Variants in NECTIN1 observed in about 807,000 individuals in gnomAD.
NECTIN1 encodes the protein nectin-1.
NECTIN1 carries 23 observed loss-of-function variants against 48.0 expected under a neutral mutation model. The ratio of observed to expected loss-of-function variants is 0.48; its 90% confidence interval spans 0.34 to 0.68. The LOEUF is 0.68. Among genes scored for constraint, NECTIN1 ranks in the 30% least tolerant of loss-of-function variants. The probability of loss-of-function intolerance (pLI) is 0.01; values close to 1 mark genes in which losing one functional copy is unlikely to be tolerated. For missense variants in NECTIN1, 591 were observed against 709.9 expected (o/e 0.83, Z 1.90); for synonymous variants, 270 against 288.9 (o/e 0.93, Z 0.66).
At chr11:119,653,835 C>T (rs554848194) in intron 5 of NECTIN1, among the ~76,000 whole-genome samples, 110 of 152,290 alleles carry the variant, frequency 7.2e-4, no homozygotes, top group African/African-American at 2.2e-3. Context: ...ATCCCTATTA[C>T]CTGTTTTACA....
chr11:119,638,727 C>T lies in NECTIN1; in HGVS notation c.1227+4G>A, dbSNP rs756916756. On this transcript the variant is annotated splice_donor_region_variant and intron_variant, in intron 7 of 7. Coordinates refer to the NECTIN1 transcript ENST00000341398. The stretch of plus-strand genomic sequence containing the variant: ...GACCTTGTCCTCTGCTGCCTCAGGC[C>T]CACCTGGATATCCTCAGGCACAAGG... The T allele has an allele frequency of 2.2e-5, 36 of 1,613,320 alleles. No individual in the cohort carries two copies. The South Asian group carries it at 4.0e-4, about 18-fold the overall frequency.
At chr11:119,643,731 C>T (rs1864357257) in intron 5 of NECTIN1, among the ~76,000 whole-genome samples, 1 of 152,224 alleles carries the variant, frequency 6.6e-6, no homozygotes, top group South Asian at 2.1e-4. Context: ...CAAATTGGTT[C>T]CCCCGCTCCC....
intron 1 of NECTIN1, among the ~76,000 whole-genome samples, chr11:119,722,177 A>C (rs1255419776): frequency 1.3e-5 from 2 of 152,126 alleles, no homozygotes; most frequent in African/African-American, 4.8e-5. Flanking sequence ...CCTAGGTCTT[A>C]CTCTCCTCAT....
At chr11:119,691,467 G>C (rs1865251074) in intron 1 of NECTIN1, among the ~76,000 whole-genome samples, 2 of 152,236 alleles carry the variant, frequency 1.3e-5, no homozygotes, top group South Asian at 4.1e-4. Context: ...CAGCTGAGCT[G>C]AAGGCTGCTC....
At chr11:119,699,316 C>T (rs1251122438) in intron 1 of NECTIN1, among the ~76,000 whole-genome samples, 1 of 152,232 alleles carries the variant, frequency 6.6e-6, no homozygotes, top group African/African-American at 2.4e-5. Flanking sequence ...CCCTGAGTTC[C>T]TGGAGTCTAA....
intron 5 of NECTIN1, among the ~76,000 whole-genome samples, chr11:119,649,720 A>G (rs1353888373): frequency 2.6e-5 from 4 of 152,210 alleles, no homozygotes; most frequent in Admixed American, 2.0e-4. Context: ...CCAGGAAAAT[A>G]AGAAAAACAG....
intron 1 of NECTIN1, among the ~76,000 whole-genome samples, chr11:119,712,444 G>A (rs1475027497): frequency 4.0e-5 from 6 of 149,796 alleles, no homozygotes; most frequent in Non-Finnish European, 8.9e-5. Flanking sequence ...GGGAGACAGG[G>A]GCCTCACCTG....
rs970867634 is a variant in NECTIN1, at chr11:119,662,939, GACA to G, written c.*1805_*1807del. ...GCTGGGGCCAGGGCAGTGAGGGCCAGACAACGACGACCCACCTGCTGGGCCCAG... is the reference window on the plus strand; with the variant it reads ...GCTGGGGCCAGGGCAGTGAGGGCCAGACGACGACCCACCTGCTGGGCCCAG... On this transcript the variant is annotated 3_prime_UTR_variant, in exon 6 of 6. Coordinates refer to ENST00000264025, the MANE Select transcript of NECTIN1 (RefSeq NM_002855.5). The surrounding 1 kb of genome is among the most constrained non-coding windows in gnomAD (Gnocchi z 5.3). The G allele has an allele frequency of 2.0e-6, 2 of 984,100 alleles. No individual in the cohort carries two copies. The highest frequency in any genetic ancestry group is 1.8e-5 in the African/African-American group (1 of 57,110). The allele number at this position is 984,100 out of a possible 1,614,324, so 61.0% of individuals were successfully genotyped here.
chr11:119,697,567 C>T (rs1292255408), intron 1 of NECTIN1, among the ~76,000 whole-genome samples: 2 of 152,236 alleles, frequency 1.3e-5, no homozygotes, highest in Non-Finnish European at 2.9e-5. Context: ...TACCTTCTAT[C>T]TACCAGGCAC....
intron 5 of NECTIN1, among the ~76,000 whole-genome samples, chr11:119,649,157 G>C (rs1456455393): frequency 1.3e-5 from 2 of 152,236 alleles, no homozygotes; most frequent in Non-Finnish European, 2.9e-5. Context: ...GAGGCGGACA[G>C]ATCACGAGGT....
Position 119,664,198 on chromosome 11 carries a change from T to C in NECTIN1, c.*549A>G, listed in dbSNP as rs2135541835. ...TGGGGAGAAGCCGCACCCCTCCCCCTACCTCTTGGGCGCACCAGCTGTCTA... is the reference window on the plus strand; with the variant it reads ...TGGGGAGAAGCCGCACCCCTCCCCCCACCTCTTGGGCGCACCAGCTGTCTA... On this transcript the variant is annotated 3_prime_UTR_variant, in exon 6 of 6. Coordinates refer to ENST00000264025, the MANE Select transcript of NECTIN1 (RefSeq NM_002855.5). 1.0e-6 allele frequency: 1 copy of C among 987,088 alleles called. No individual in the cohort carries two copies. The highest frequency in any genetic ancestry group is 1.2e-6 in the Non-Finnish European group (1 of 830,910). The allele number at this position is 987,088 out of a possible 1,614,324, so 61.1% of individuals were successfully genotyped here.
At chr11:119,693,009 G>A (rs1865286406) in intron 1 of NECTIN1, among the ~76,000 whole-genome samples, 1 of 152,128 alleles carries the variant, frequency 6.6e-6, no homozygotes, top group African/African-American at 2.4e-5. Context: ...TCCCACCCCT[G>A]CCACTCCTCC....
At chr11:119,652,438 G>C (rs1019451484) in intron 5 of NECTIN1, among the ~76,000 whole-genome samples, 13 of 152,002 alleles carry the variant, frequency 8.6e-5, no homozygotes, top group African/African-American at 3.1e-4. Context: ...ATTTCTTCTA[G>C]GAGGGCCCCC....
chr11:119,703,977 G>A (rs113871309), intron 1 of NECTIN1, among the ~76,000 whole-genome samples: 2,279 of 152,134 alleles, frequency 0.015, 28 homozygotes, highest in Middle Eastern at 0.065. Flanking sequence ...TTTCACACTC[G>A]GAGTACGTGT....
Position 119,663,199 on chromosome 11 carries a change from C to A in NECTIN1, c.*1548G>T, listed in dbSNP as rs772626412. 49 of 985,378 alleles carry A rather than the reference C, an allele frequency of 5.0e-5. No individual in the cohort carries two copies. Among genetic ancestry groups the A allele is most frequent in the Non-Finnish European group, 5.1e-5 (42 of 829,964 alleles). The allele number at this position is 985,378 out of a possible 1,614,324, so 61.0% of individuals were successfully genotyped here. A position where few individuals can be genotyped will look rare whatever the true frequency, so the allele number is the denominator to read the frequency against. The stretch of plus-strand genomic sequence containing the variant: ...GGGCAGGCATGAAGGGCCGCGAAGC[C>A]TGCCTCTCCATCCCAGGGTCCTTCC... On this transcript the variant is annotated 3_prime_UTR_variant, in exon 6 of 6. Coordinates refer to ENST00000264025, the MANE Select transcript of NECTIN1 (RefSeq NM_002855.5).
In NECTIN1 at chr11:119,672,283, CA is replaced by C. The variant is rs2135547668; in HGVS notation, c.1003+2875del. 6.6e-6 allele frequency among the ~76,000 whole-genome samples: 1 copy of C among 152,310 alleles called. No homozygotes were observed. The highest frequency in any genetic ancestry group is 2.1e-4 in the South Asian group (1 of 4,830). The stretch of plus-strand genomic sequence containing the variant: ...GCCTGGCCTGTCTCCTCCCGACACC[CA>C]CAGGGATAGAGGCTGCCTCATCTGT... On this transcript the variant is annotated intron_variant, in intron 5 of 5. Coordinates refer to ENST00000264025, the MANE Select transcript of NECTIN1 (RefSeq NM_002855.5). This position sits in a 1 kb window ranked among gnomAD's most constrained non-coding sequence, Gnocchi z 4.3.
intron 1 of NECTIN1, among the ~76,000 whole-genome samples, chr11:119,682,474 G>A (rs568343234): frequency 1.9e-4 from 29 of 152,250 alleles, no homozygotes; most frequent in East Asian, 7.7e-4. Context: ...GGGCTGTTCC[G>A]TCACCACCCT....
chr11:119,664,468 G>A lies in NECTIN1; in HGVS notation c.*279C>T, dbSNP rs1414606568. The A allele has an allele frequency of 6.9e-6, 9 of 1,301,516 alleles. No homozygotes were observed. Among genetic ancestry groups the A allele is most frequent in the Non-Finnish European group, 8.8e-6 (9 of 1,022,840 alleles). 80.6% of individuals were successfully genotyped at this position (1,301,516 alleles called of 1,614,324 possible). On this transcript the variant is annotated 3_prime_UTR_variant, in exon 6 of 6. Transcript: ENST00000264025. ...ACGAGAACAGGGCTCCCTACACAGA[G>A]GGCAGGCAGGTGGGGCCCGTAAAGG... is the stretch of plus-strand genomic sequence containing the variant.
At position 119,709,055 on chromosome 11, in the gene NECTIN1, C is replaced by G. The variant is rs1437382828; in HGVS notation, c.79+19420G>C. On this transcript the variant is annotated intron_variant, in intron 1 of 5. Transcript: ENST00000264025. The surrounding 1 kb of genome is among the most constrained non-coding windows in gnomAD (Gnocchi z 4.1). Reference sequence around the variant, plus strand: ...AGAGATCCTGAGACACTCTACCCCCCACGCCCGCCCACATAGCCAACATAT... The same window carrying G: ...AGAGATCCTGAGACACTCTACCCCCGACGCCCGCCCACATAGCCAACATAT... Among the ~76,000 whole-genome samples the G allele has an allele frequency of 1.3e-5, 2 of 152,046 alleles. No homozygotes were observed. Among genetic ancestry groups the G allele is most frequent in the Admixed American group, 6.5e-5 (1 of 15,280 alleles).
Sources: allele counts gnomAD v4.1 joint callset (sites outside exome capture counted in the v4.1 genomes callset), GRCh38; gene constraint gnomAD v4.1.1; non-coding constraint Gnocchi (gnomAD v3.1); transcripts MANE v1.5; gene names NCBI Gene and HGNC (gene_info 2026-07-23, HGNC 2026-07-21).